The following NEURL1B variants were observed in gnomAD, a reference collection of about 807,000 sequenced individuals.
The protein encoded by NEURL1B is neuralized E3 ubiquitin protein ligase 1B.
Under a neutral mutation model 37.4 loss-of-function variants are expected in NEURL1B, and 13 were observed. The observed-to-expected ratio is 0.35, with a 90% CI of 0.23 to 0.55. The LOEUF is 0.55. Among genes scored for constraint, NEURL1B ranks in the 20% least tolerant of loss-of-function variants. The pLI is 0.89. For missense variants in NEURL1B, 790 were observed against 879.2 expected (o/e 0.90, Z 1.28); for synonymous variants, 432 against 426.6 (o/e 1.01, Z -0.16).
intron 2 of NEURL1B, among the ~76,000 whole-genome samples, chr5:172,677,603 C>T (rs1333351708): frequency 6.6e-6 from 1 of 152,198 alleles, no homozygotes; most frequent in Non-Finnish European, 1.5e-5. Flanking sequence ...CCCAGCACAC[C>T]AAGGCCAGTG....
rs7731408 is a variant in NEURL1B at position 172,676,532 on chromosome 5, C to T, written c.577+6202C>T. Among the ~76,000 whole-genome samples, 566 of 152,318 alleles carry T rather than the reference C, an allele frequency of 3.7e-3. 2 individuals carry two copies. Among genetic ancestry groups the T allele is most frequent in the African/African-American group, 0.013 (544 of 41,580 alleles). ...GATGAAGTGATTGGCCAGGTTAAGG[C>T]CCCCCTCCTGACTCCTGAGGCAATG... is the stretch of plus-strand genomic sequence containing the variant. On this transcript the variant is annotated intron_variant, in intron 2 of 4. Transcript: ENST00000369800. The surrounding 1 kb of genome is among the most constrained non-coding windows in gnomAD (Gnocchi z 4.5).
In NEURL1B at chr5:172,675,332, T is replaced by C. The variant is rs11745123; in HGVS notation, c.577+5002T>C. Among the ~76,000 whole-genome samples the C allele has an allele frequency of 0.54, 81,852 of 151,488 alleles. 22,355 individuals carry two copies. Among genetic ancestry groups the C allele is most frequent in the African/African-American group, 0.62 (25,659 of 41,224 alleles). ...ATCTGGTTCCTTTCTCCCTCGTGGC[T>C]CCTGCCCATTGATGGACACCTGGAT... On this transcript the variant is annotated intron_variant, in intron 2 of 4. Transcript: ENST00000369800. The surrounding 1 kb of genome is among the most constrained non-coding windows in gnomAD (Gnocchi z 4.7).
chr5:172,667,904 C>A (rs901932732), intron 1 of NEURL1B, among the ~76,000 whole-genome samples: 3 of 135,616 alleles, frequency 2.2e-5, no homozygotes, highest in Non-Finnish European at 4.6e-5. Context: ...TCCCACCATT[C>A]TGGCTAACTG....
rs1162178989 is a variant in NEURL1B, at chr5:172,641,932, G to A, written c.31+495G>A. Reference sequence around the variant, plus strand: ...CCGCGGCACATGCTGCCGTGCTTTGGCCACGTTCCCACGCGCACCCCGGTT... The same window carrying A: ...CCGCGGCACATGCTGCCGTGCTTTGACCACGTTCCCACGCGCACCCCGGTT... On this transcript the variant is annotated intron_variant, in intron 1 of 4. Coordinates refer to ENST00000369800, the MANE Select transcript of NEURL1B (RefSeq NM_001142651.3). This position sits in a 1 kb window ranked among gnomAD's most constrained non-coding sequence, Gnocchi z 6.4. Among the ~76,000 whole-genome samples, 3 of 152,162 alleles carry A rather than the reference G, an allele frequency of 2.0e-5. No individual in the cohort carries two copies. Among genetic ancestry groups the A allele is most frequent in the African/African-American group, 7.2e-5 (3 of 41,456 alleles).
At chr5:172,658,206 G>C (rs1757830547) in intron 1 of NEURL1B, among the ~76,000 whole-genome samples, 1 of 152,066 alleles carries the variant, frequency 6.6e-6, no homozygotes, top group South Asian at 2.1e-4. Flanking sequence ...TTATCTCTTT[G>C]TCTTGTGTCT....
chr5:172,672,549 CA>C (rs1758151088), intron 2 of NEURL1B, among the ~76,000 whole-genome samples: 1 of 148,022 alleles, frequency 6.8e-6, no homozygotes, highest in South Asian at 2.3e-4. Flanking sequence ...CTCCCCCCCC[CA>C]CTCTATTTCC....
At position 172,687,039 on chromosome 5, in the gene NEURL1B, G is replaced by A. The variant is rs1561655224; in HGVS notation, c.*114G>A. 4 of 1,253,780 alleles carry A rather than the reference G, an allele frequency of 3.2e-6. No individual in the cohort carries two copies. The highest frequency in any genetic ancestry group is 2.2e-6 in the Non-Finnish European group (2 of 920,114). 77.7% of individuals were successfully genotyped at this position (1,253,780 alleles called of 1,614,324 possible). On this transcript the variant is annotated 3_prime_UTR_variant, in exon 5 of 5. Coordinates refer to ENST00000369800, the MANE Select transcript of NEURL1B (RefSeq NM_001142651.3). ...ACGGGCAGCGGCCATCTCTCCAGTG[G>A]TGGGCAAGGTGTGACAGTCGTGGAG... is the stretch of plus-strand genomic sequence containing the variant.
chr5:172,659,035 C>A (rs1581425102), intron 1 of NEURL1B, among the ~76,000 whole-genome samples: 1 of 606 alleles, frequency 1.7e-3, no homozygotes, highest in African/African-American at 6.8e-3. Flanking sequence ...CCCCTGCCCG[C>A]CCCCCCCCCC....
In NEURL1B at chr5:172,670,096, C is replaced by T. The variant is rs1228435417; in HGVS notation, c.343C>T (p.Pro115Ser). The T allele has an allele frequency of 6.6e-7, 1 of 1,525,608 alleles. No homozygotes were observed. Among genetic ancestry groups the T allele is most frequent in the Non-Finnish European group, 8.8e-7 (1 of 1,142,226 alleles). The allele number at this position is 1,525,608 out of a possible 1,614,324, so 94.5% of individuals were successfully genotyped here. The change falls in exon 2 of 5, where the codon CCC becomes TCC. Residue 115 changes from proline to serine, a missense_variant. Physicochemically the swap from Pro to Ser is moderately conservative, Grantham distance 74. Around this residue, in one of 3 missense-constraint regions of NEURL1B, gnomAD observed 215 missense variants for 309.2 expected, o/e 0.70. Transcript: ENST00000369800. ...GTCGCTCATGAGCGCCCAGGACATC[C>T]CCAAGTACGCCTGCCCGGACCTGGT... ...DPSLMSAQDIPKYACPDLVTR... is the reference protein window; with the variant it reads ...DPSLMSAQDISKYACPDLVTR...
chr5:172,684,189 GC>G, intron 3 of NEURL1B, 51 bp downstream of exon 3: 1 of 1,174,218 alleles, frequency 8.5e-7, no homozygotes, highest in Non-Finnish European at 1.1e-6. Context: ...CCCGTCCCGT[GC>G]CGTCTCACCC....
rs1281437141 is a variant in NEURL1B, at chr5:172,669,978, C to T, written c.225C>T (p.Pro75=). 4 of 1,464,168 alleles carry T rather than the reference C, an allele frequency of 2.7e-6. No individual in the cohort carries two copies. Among genetic ancestry groups the T allele is most frequent in the South Asian group, 2.7e-5 (2 of 73,534 alleles). 90.7% of individuals were successfully genotyped at this position (1,464,168 alleles called of 1,614,324 possible). A position where few individuals can be genotyped will look rare whatever the true frequency, so the allele number is the denominator to read the frequency against. The change falls in exon 2 of 5, where the codon CCC becomes CCT. Residue 75 remains proline (P), a synonymous_variant. Transcript: ENST00000369800. ...FCNGVTFTQR[P]IRLYEQVRLR... ...ATGGCGTCACGTTCACGCAGCGGCC[C>T]ATCCGGCTGTACGAGCAGGTGCGGC... is the stretch of plus-strand genomic sequence containing the variant.
intron 1 of NEURL1B, among the ~76,000 whole-genome samples, chr5:172,656,022 G>T (rs533381051): frequency 1.8e-4 from 27 of 152,340 alleles, no homozygotes; most frequent in African/African-American, 6.5e-4. Flanking sequence ...AATGATGAGT[G>T]CACACTTGGA....
intron 2 of NEURL1B, among the ~76,000 whole-genome samples, chr5:172,682,639 T>C (rs1406611697): frequency 1.3e-5 from 2 of 152,244 alleles, no homozygotes; most frequent in Non-Finnish European, 2.9e-5. Context: ...TCCCGTAGAC[T>C]TTTTTCTGTC....
At chr5:172,653,992 CT>C (rs563272097) in intron 1 of NEURL1B, among the ~76,000 whole-genome samples, 13 of 151,786 alleles carry the variant, frequency 8.6e-5, no homozygotes, top group East Asian at 1.9e-4. Flanking sequence ...TCTCCCCCAA[CT>C]TTTTTTTTCC....
chr5:172,666,746 G>C (rs1758021727), intron 1 of NEURL1B, among the ~76,000 whole-genome samples: 1 of 152,208 alleles, frequency 6.6e-6, no homozygotes, highest in Non-Finnish European at 1.5e-5. Flanking sequence ...CGCTGAGGGA[G>C]GTGGTGCTCA....
Position 172,684,028 on chromosome 5 carries a change from T to C in NEURL1B, c.1187T>C (p.Leu396Pro). 7.5e-7 allele frequency: 1 copy of C among 1,340,856 alleles called. No homozygotes were observed. The highest frequency in any genetic ancestry group is 9.6e-7 in the Non-Finnish European group (1 of 1,043,368). The allele number at this position is 1,340,856 out of a possible 1,614,324, so 83.1% of individuals were successfully genotyped here. A position where few individuals can be genotyped will look rare whatever the true frequency, so the allele number is the denominator to read the frequency against. Residue 396 changes from leucine to proline, a missense_variant, in exon 3 of 5, where the codon CTG (leucine) becomes CCG (proline). Physicochemically the swap from Leu to Pro is moderately conservative, Grantham distance 98. Coordinates refer to ENST00000369800, the MANE Select transcript of NEURL1B (RefSeq NM_001142651.3). ...CTGCGGCCCGGCGGCGACGTGCTCC[T>C]GGGCATCAACGGGCGTCCGCGCGGC... ...FTLRPGGDVL[L>P]GINGRPRGRL...
rs1403710734 is a variant in NEURL1B at position 172,661,121 on chromosome 5, C to A, written c.32-8664C>A. Among the ~76,000 whole-genome samples, 1 of 152,198 alleles carries A rather than the reference C, an allele frequency of 6.6e-6. No individual in the cohort carries two copies. Among genetic ancestry groups the A allele is most frequent in the East Asian group, 1.9e-4 (1 of 5,196 alleles). ...AACACACATGAGCACCATGTTGCTT[C>A]CTACTGCCAACAGTGCTGGTTTACA... On this transcript the variant is annotated intron_variant, in intron 1 of 4. Transcript: ENST00000369800. This position sits in a 1 kb window ranked among gnomAD's most constrained non-coding sequence, Gnocchi z 4.0.
At position 172,667,315 on chromosome 5, in the gene NEURL1B, G is replaced by T. The variant is rs531063008; in HGVS notation, c.32-2470G>T. On this transcript the variant is annotated intron_variant, in intron 1 of 4. Transcript: ENST00000369800. The stretch of plus-strand genomic sequence containing the variant: ...AAAAAAATTAGCCAAGCATGGTGGT[G>T]CACACCTGCAATCCCAGCTACTCGG... Among the ~76,000 whole-genome samples the T allele has an allele frequency of 2.5e-3, 353 of 140,542 alleles. 3 individuals are homozygous for T. Among genetic ancestry groups the T allele is most frequent in the African/African-American group, 8.8e-3 (314 of 35,778 alleles). 92.2% of individuals were successfully genotyped at this position (140,542 alleles called of 152,430 possible).
At chr5:172,658,809 G>A (rs909457195) in intron 1 of NEURL1B, among the ~76,000 whole-genome samples, 2 of 152,090 alleles carry the variant, frequency 1.3e-5, no homozygotes, top group African/African-American at 2.4e-5. Flanking sequence ...TGGGTGGGGG[G>A]CCATTGTCCC....
Sources: gnomAD v4.1 joint callset for allele counts (sites outside exome capture counted in the v4.1 genomes callset) on GRCh38, gnomAD v4.1.1 for gene constraint, gnomAD v4.1.1 regional missense constraint, Gnocchi (gnomAD v3.1) non-coding constraint, MANE v1.5 for transcripts, NCBI Gene and HGNC (gene_info 2026-07-23, HGNC 2026-07-21) for gene names.